The following SYNE1 variants were observed in gnomAD, a reference collection of about 807,000 sequenced individuals.
SYNE1 encodes the protein nesprin-1.
In SYNE1, 616 loss-of-function variants were observed where a neutral mutation model predicts 1,111.0. The observed-to-expected ratio is 0.55, with a 90% CI of 0.52 to 0.59. The LOEUF is 0.59. SYNE1 is among the 20% of genes least tolerant of loss of function. SYNE1 has a pLI of 0.00. For missense variants in SYNE1, 10,006 were observed against 10,417.0 expected (o/e 0.96, Z 1.72); for synonymous variants, 3,855 against 3,825.8 (o/e 1.01, Z -0.28).
chr6:152,324,454 G>C (rs546797344), intron 81 of SYNE1, among the ~76,000 whole-genome samples: 122 of 151,866 alleles, frequency 8.0e-4, no homozygotes, highest in African/African-American at 2.8e-3. Flanking sequence ...TCATTTTCAG[G>C]TTTCATGGTA....
chr6:152,377,632 AAAAAAAAAATATAT>A (rs1462117562), intron 56 of SYNE1, among the ~76,000 whole-genome samples: 22 of 85,516 alleles, frequency 2.6e-4, no homozygotes, highest in African/African-American at 1.2e-3. Context: ...AAAAAAAAAA[AAAAAAAAAATATAT>A]ATATATATAT....
chr6:152,208,323 G>A (rs2076905280), intron 124 of SYNE1, 117 bp from the exon 125 acceptor site: 1 of 909,050 alleles, frequency 1.1e-6, no homozygotes, highest in African/African-American at 1.6e-5. Context: ...CTAGGGCGGT[G>A]GTTTTTGAAT....
chr6:152,396,783 T>C lies in SYNE1; in HGVS notation c.7548A>G (p.Glu2516=), dbSNP rs540952386. The C allele has an allele frequency of 6.2e-7, 1 of 1,614,136 alleles. No homozygotes were observed. The highest frequency in any genetic ancestry group is 1.1e-5 in the South Asian group (1 of 91,086). Residue 2516 remains glutamate (E), a synonymous_variant, in exon 50 of 146, where the codon GAA becomes GAG. Coordinates refer to ENST00000367255, the MANE Select transcript of SYNE1 (RefSeq NM_182961.4). Reference sequence around the variant, plus strand: ...TTGTTAAACTAACCTACCTTCCAAGTTCTGAAGCACAGTCTTGAAGAGCCT... The same window carrying C: ...TTGTTAAACTAACCTACCTTCCAAGCTCTGAAGCACAGTCTTGAAGAGCCT... ...DKQALQDCAS[E]LGSFEDQHRK... is the part of the protein sequence containing the mutation.
intron 124 of SYNE1, among the ~76,000 whole-genome samples, chr6:152,209,607 G>A (rs998405716): frequency 9.9e-5 from 15 of 151,946 alleles, no homozygotes; most frequent in African/African-American, 2.4e-4. Flanking sequence ...AAAATTAGCC[G>A]GGCGTGGTGG....
chr6:152,203,202 A>G (rs977829531), intron 126 of SYNE1, among the ~76,000 whole-genome samples: 1 of 152,202 alleles, frequency 6.6e-6, no homozygotes, highest in East Asian at 1.9e-4. Flanking sequence ...TGTATAGTTA[A>G]ATTATTACCT....
chr6:152,302,090 T>C, intron 91 of SYNE1, 27 bp from the exon 92 acceptor site: 1 of 1,613,812 alleles, frequency 6.2e-7, no homozygotes, highest in Non-Finnish European at 8.5e-7. Context: ...CCCACCGGGG[T>C]GTCAGAGCAG....
intron 65 of SYNE1, 97 bp downstream of exon 65, chr6:152,359,218 C>A: frequency 6.4e-7 from 1 of 1,553,990 alleles, no homozygotes; most frequent in South Asian, 1.1e-5. Flanking sequence ...TCTGTTTTCC[C>A]AAGCCTGTCA....
intron 115 of SYNE1, among the ~76,000 whole-genome samples, chr6:152,226,682 C>T (rs2081637313): frequency 6.6e-6 from 1 of 152,152 alleles, no homozygotes; most frequent in African/African-American, 2.4e-5. Context: ...CTGCTATCAA[C>T]ATTTTATAAA....
intron 3 of SYNE1, among the ~76,000 whole-genome samples, chr6:152,604,197 T>G (rs2099605064): frequency 6.6e-6 from 1 of 151,802 alleles, no homozygotes; most frequent in African/African-American, 2.4e-5. Flanking sequence ...TGTGTGTGTA[T>G]GTAGTGGTAT....
chr6:152,427,301 C>A (rs1472258770), intron 38 of SYNE1, among the ~76,000 whole-genome samples: 1 of 152,176 alleles, frequency 6.6e-6, no homozygotes, highest in Non-Finnish European at 1.5e-5. Flanking sequence ...ATTGCCCAAA[C>A]GTCATATAAT....
chr6:152,536,433 A>T (rs9383625), intron 4 of SYNE1, among the ~76,000 whole-genome samples: 36,349 of 127,280 alleles, frequency 0.29, 5,400 homozygotes, highest in East Asian at 0.43. Flanking sequence ...TTATATATAT[A>T]ACTATATATA....
intron 87 of SYNE1, among the ~76,000 whole-genome samples, chr6:152,314,237 G>T (rs1472256727): frequency 2.6e-5 from 4 of 152,148 alleles, no homozygotes; most frequent in Non-Finnish European, 4.4e-5. Context: ...GTGACTTCAG[G>T]ATAAAGTCCA....
At chr6:152,475,204 A>G (rs2098827951) in intron 14 of SYNE1, among the ~76,000 whole-genome samples, 1 of 152,210 alleles carries the variant, frequency 6.6e-6, no homozygotes, top group Non-Finnish European at 1.5e-5. Context: ...ATATCAGACA[A>G]AATGGATTTC....
intron 37 of SYNE1, 100 bp downstream of exon 37, chr6:152,428,105 T>A (rs1437484355): frequency 6.7e-7 from 1 of 1,502,166 alleles, no homozygotes; most frequent in Non-Finnish European, 9.2e-7. Context: ...CAAGTTCACG[T>A]CTTTTGCATC....
intron 5 of SYNE1, among the ~76,000 whole-genome samples, chr6:152,523,614 T>C (rs1380003999): frequency 2.0e-5 from 3 of 152,174 alleles, no homozygotes; most frequent in Non-Finnish European, 4.4e-5. Flanking sequence ...TTGATAGGAA[T>C]TGCATTGAAT....
At position 152,318,115 on chromosome 6, in the gene SYNE1, C is replaced by G. The variant is rs138745849; in HGVS notation, c.16538G>C (p.Arg5513Thr). 6.2e-7 allele frequency: 1 copy of G among 1,614,216 alleles called. No individual in the cohort carries two copies. Residue 5513 changes from arginine (R) to threonine (T), a missense_variant, in exon 86 of 146, where the codon AGA (arginine) becomes ACA (threonine). Arg to Thr is a moderately conservative substitution (Grantham distance 71). Coordinates refer to ENST00000367255, the MANE Select transcript of SYNE1 (RefSeq NM_182961.4). ...CTTGGAGAGCCGATTCTCAGCTTGT[C>G]TAATGGTCTGCTGGTGAAGTTCAGT... Reference protein sequence around the residue: ...KLTELHQQTIRQAENRLSKLN... With the variant: ...KLTELHQQTITQAENRLSKLN...
intron 3 of SYNE1, among the ~76,000 whole-genome samples, chr6:152,610,048 C>A (rs1294623296): frequency 6.6e-6 from 1 of 152,190 alleles, no homozygotes; most frequent in South Asian, 2.1e-4. Context: ...GAAACCAGAG[C>A]AGAAAACCTG....
chr6:152,289,533 G>T (rs1200945946), intron 95 of SYNE1, among the ~76,000 whole-genome samples: 1 of 152,158 alleles, frequency 6.6e-6, no homozygotes, highest in Non-Finnish European at 1.5e-5. Flanking sequence ...TGGGACTACA[G>T]GTGTGCACCA....
At chr6:152,183,149 T>G (rs1463524933) in intron 128 of SYNE1, among the ~76,000 whole-genome samples, 1 of 152,200 alleles carries the variant, frequency 6.6e-6, no homozygotes, top group Non-Finnish European at 1.5e-5. Flanking sequence ...CCGCGTGCAC[T>G]CTGATCTTCT....
Sources: allele counts gnomAD v4.1 joint callset (sites outside exome capture counted in the v4.1 genomes callset), GRCh38; gene constraint gnomAD v4.1.1; transcripts MANE v1.5; gene names NCBI Gene and HGNC (gene_info 2026-07-23, HGNC 2026-07-21).